DLGAP2: variants seen among roughly 807,000 people sequenced by gnomAD.
The protein encoded by DLGAP2 is disks large-associated protein 2.
A neutral mutation model predicts 100.3 loss-of-function variants in DLGAP2; 26 were observed. That is an observed-to-expected ratio of 0.26 (90% CI 0.19 to 0.36). The LOEUF (loss-of-function observed/expected upper bound fraction) is 0.36. DLGAP2 is among the 10% of genes least tolerant of loss of function. DLGAP2 has a pLI of 1.00. For missense variants in DLGAP2, 1,858 were observed against 1,453.2 expected (o/e 1.28, Z -4.53); for synonymous variants, 886 against 630.1 (o/e 1.41, Z -6.08).
chr8:759,318 C>CCCCCCACAGCCT (rs1821016096), intron 1 of DLGAP2, among the ~76,000 whole-genome samples: 1 of 151,714 alleles, frequency 6.6e-6, no homozygotes, highest in African/African-American at 2.4e-5. Flanking sequence ...ATTATCAATA[C>CCCCCCACAGCCT]TGCCTGAGTG....
In DLGAP2 at chr8:1,623,408, C is replaced by G. The variant is rs34951699; in HGVS notation, c.1443-3332C>G. Among the ~76,000 whole-genome samples the G allele has an allele frequency of 2.7e-5, 4 of 150,718 alleles. No homozygotes were observed. The East Asian group carries it at 6.0e-4, about 23-fold the overall frequency. On this transcript the variant is annotated intron_variant, in intron 6 of 14. Transcript: ENST00000637795. ...TGACCTGACACCAGTGTGTGATGAC[C>G]TGGCACCAGTGCTTGATGACCTGAC...
chr8:1,149,312 A>AT (rs565038932), intron 2 of DLGAP2, among the ~76,000 whole-genome samples: 4 of 151,500 alleles, frequency 2.6e-5, no homozygotes, highest in Admixed American at 6.6e-5. Context: ...CACCCGGCTA[A>AT]TTTTTTTTGT....
intron 2 of DLGAP2, chr8:1,137,839 G>A (rs1465204260): frequency 6.6e-6 from 1 of 152,138 alleles, no homozygotes; most frequent in African/African-American, 2.4e-5. Flanking sequence ...TGCCCAGGCT[G>A]GAGTGCAGTG....
chr8:1,316,247 C>A (rs1351080938), intron 3 of DLGAP2, among the ~76,000 whole-genome samples: 1 of 106,342 alleles, frequency 9.4e-6, no homozygotes, highest in Admixed American at 1.1e-4. Context: ...TCGAGAAACT[C>A]GGCAGCTTTT....
At chr8:1,180,874 TG>T (rs1797372035) in intron 2 of DLGAP2, among the ~76,000 whole-genome samples, 1 of 26,776 alleles carries the variant, frequency 3.7e-5, no homozygotes, top group African/African-American at 9.9e-5. Flanking sequence ...ATGTGGTGCA[TG>T]TTGTGTGTAA....
In DLGAP2 at chr8:1,662,061, C is replaced by T. The variant is rs555916838; in HGVS notation, c.1811-6268C>T. On this transcript the variant is annotated intron_variant, in intron 8 of 14. Transcript: ENST00000637795. The stretch of plus-strand genomic sequence containing the variant: ...TACACAGTCACAGTCACAGGGCTGC[C>T]GCAAAGGGTCTTCCGCCCATAGGTC... Among the ~76,000 whole-genome samples the T allele has an allele frequency of 4.1e-4, 63 of 152,330 alleles. 1 individual carries two copies. Among genetic ancestry groups the T allele is most frequent in the African/African-American group, 9.4e-4 (39 of 41,572 alleles).
intron 3 of DLGAP2, among the ~76,000 whole-genome samples, chr8:1,411,279 C>G (rs115618188): frequency 6.6e-6 from 1 of 152,252 alleles, no homozygotes; most frequent in East Asian, 1.9e-4. Flanking sequence ...ACATTATATA[C>G]TATAATAAGT....
At chr8:1,141,806 A>G (rs1181521911) in intron 2 of DLGAP2, among the ~76,000 whole-genome samples, 2 of 152,216 alleles carry the variant, frequency 1.3e-5, no homozygotes, top group Non-Finnish European at 2.9e-5. Flanking sequence ...TCAAGGCTGA[A>G]TACTAATGAT....
Position 889,660 on chromosome 8 carries a change from C to T in DLGAP2, c.19-18252C>T, listed in dbSNP as rs77687676. 9.3e-3 allele frequency among the ~76,000 whole-genome samples: 1,414 copies of T among 152,310 alleles called. 15 individuals carry two copies. The highest frequency in any genetic ancestry group is 0.015 in the Non-Finnish European group (1,045 of 68,024). ...GGCTCCAGTAGGGGAAGAGCGCAGC[C>T]TGGAGCTATAGAAATGGGTGCCGGG... On this transcript the variant is annotated intron_variant, in intron 1 of 14. Coordinates refer to ENST00000637795, the MANE Select transcript of DLGAP2 (RefSeq NM_001346810.2).
chr8:780,114 A>G (rs561798537), intron 1 of DLGAP2, among the ~76,000 whole-genome samples: 5 of 152,100 alleles, frequency 3.3e-5, no homozygotes, highest in Non-Finnish European at 5.9e-5. Flanking sequence ...TAAACTTTGT[A>G]CCCTTTGACC....
chr8:1,215,084 C>T (rs557801304), intron 2 of DLGAP2, among the ~76,000 whole-genome samples: 22 of 152,250 alleles, frequency 1.4e-4, no homozygotes, highest in African/African-American at 4.3e-4. Flanking sequence ...ATGCAGGAAA[C>T]AGTAAAGGTC....
At chr8:1,562,244 G>A (rs565512871) in intron 5 of DLGAP2, among the ~76,000 whole-genome samples, 4 of 25,394 alleles carry the variant, frequency 1.6e-4, no homozygotes, top group African/African-American at 4.9e-4. Flanking sequence ...GGGTGTCTGC[G>A]CCTCGTTACT....
chr8:1,172,841 A>G (rs971508024), intron 2 of DLGAP2, among the ~76,000 whole-genome samples: 18 of 152,054 alleles, frequency 1.2e-4, no homozygotes, highest in Non-Finnish European at 2.2e-4. Flanking sequence ...TTCCTCCTGT[A>G]GCTCGTAGTT....
chr8:1,253,063 G>A (rs772663883), intron 2 of DLGAP2, among the ~76,000 whole-genome samples: 21 of 152,296 alleles, frequency 1.4e-4, no homozygotes, highest in Middle Eastern at 3.4e-3. Flanking sequence ...CACGGCCCAC[G>A]GCAAATGCCG....
At position 1,119,011 on chromosome 8, in the gene DLGAP2, A is replaced by G. The variant is rs370728681; in HGVS notation, c.74-139840A>G. ...ATAACTGTGGAGAACCATTCAAGTG[A>G]CTGTATAATTACTTCATATAAATAC... On this transcript the variant is annotated intron_variant, in intron 2 of 14. Transcript: ENST00000637795. Among the ~76,000 whole-genome samples the G allele has an allele frequency of 9.9e-5, 15 of 151,414 alleles. 1 individual carries two copies. The highest frequency in any genetic ancestry group is 3.8e-4 in the East Asian group (2 of 5,202).
intron 3 of DLGAP2, among the ~76,000 whole-genome samples, chr8:1,330,087 G>T (rs1801113941): frequency 6.6e-6 from 1 of 152,226 alleles, no homozygotes; most frequent in South Asian, 2.1e-4. Context: ...CCCTCATGTG[G>T]GGTCGAGGTT....
intron 8 of DLGAP2, among the ~76,000 whole-genome samples, chr8:1,634,515 C>T (rs952970885): frequency 2.0e-5 from 3 of 152,198 alleles, no homozygotes; most frequent in African/African-American, 7.2e-5. Context: ...TCTGCTCACT[C>T]CTGCCCCTTG....
chr8:1,701,003 T>G (rs989958825), intron 14 of DLGAP2, among the ~76,000 whole-genome samples, 185 bp from the exon 15 acceptor site: 11 of 152,162 alleles, frequency 7.2e-5, no homozygotes, highest in Admixed American at 2.0e-4. Context: ...AATCCCATCC[T>G]GTGCAGAAGG....
At chr8:1,340,448 A>C (rs1255049087) in intron 3 of DLGAP2, among the ~76,000 whole-genome samples, 1 of 152,246 alleles carries the variant, frequency 6.6e-6, no homozygotes, top group African/African-American at 2.4e-5. Context: ...AAAAGAAGAC[A>C]TATGTGCAGC....
Sources: gnomAD v4.1 joint callset for allele counts (sites outside exome capture counted in the v4.1 genomes callset) on GRCh38, gnomAD v4.1.1 for gene constraint, MANE v1.5 for transcripts, NCBI Gene and HGNC (gene_info 2026-07-23, HGNC 2026-07-21) for gene names.